CHST9: variants seen among roughly 807,000 people sequenced by gnomAD.
CHST9 encodes the protein GalNAc-4-sulfotransferase 2.
In CHST9, 41 loss-of-function variants were observed where a neutral mutation model predicts 44.4. The observed-to-expected ratio is 0.92, with a 90% CI of 0.72 to 1.20. The LOEUF (loss-of-function observed/expected upper bound fraction) is 1.20, where lower values mean the gene tolerates loss of function less well. Among genes scored for constraint, CHST9 ranks in the 50% most tolerant of loss-of-function variants. The pLI is 0.00. For missense variants in CHST9, 504 were observed against 516.5 expected, an observed-to-expected ratio of 0.98 and a Z score of 0.23; for synonymous variants, 171 against 178.4, an observed-to-expected ratio of 0.96 and a Z score of 0.33.
chr18:26,944,908 T>C (rs1280766835), intron 4 of CHST9, among the ~76,000 whole-genome samples: 2 of 152,180 alleles, frequency 1.3e-5, no homozygotes, highest in Non-Finnish European at 2.9e-5. Context: ...CTATAAATTG[T>C]ATCTTGATCA....
chr18:27,062,665 G>A (rs552174113), intron 2 of CHST9, among the ~76,000 whole-genome samples: 1 of 152,118 alleles, frequency 6.6e-6, no homozygotes, highest in South Asian at 2.1e-4. Flanking sequence ...TAATCCTTTG[G>A]GTATATACCC....
At chr18:26,966,354 G>C (rs987857907) in intron 4 of CHST9, among the ~76,000 whole-genome samples, 1 of 152,098 alleles carries the variant, frequency 6.6e-6, no homozygotes, top group Non-Finnish European at 1.5e-5. Context: ...GCGAGTTAAA[G>C]CCTTAAAAAT....
chr18:27,006,760 A>T (rs1369545565), intron 4 of CHST9, among the ~76,000 whole-genome samples: 1 of 152,196 alleles, frequency 6.6e-6, no homozygotes, highest in East Asian at 1.9e-4. Context: ...GTCACATAAA[A>T]ACTGCAGAGA....
chr18:27,004,042 GAA>G (rs982581283), intron 4 of CHST9, among the ~76,000 whole-genome samples: 3 of 143,194 alleles, frequency 2.1e-5, no homozygotes, highest in African/African-American at 5.1e-5. Context: ...TGAGTGTCTG[GAA>G]AAAAAAAAAG....
chr18:26,949,099 G>C (rs1170310096), intron 4 of CHST9, among the ~76,000 whole-genome samples: 1 of 152,156 alleles, frequency 6.6e-6, no homozygotes, highest in Non-Finnish European at 1.5e-5. Context: ...TTGAGTGGTG[G>C]TGTGGAGACG....
chr18:26,932,194 T>C (rs570532375), intron 5 of CHST9, among the ~76,000 whole-genome samples: 1 of 152,284 alleles, frequency 6.6e-6, no homozygotes, highest in Admixed American at 6.5e-5. Flanking sequence ...ATGACCAAAG[T>C]ACTAGGCTCT....
At chr18:27,093,408 G>C (rs1224827783) in intron 2 of CHST9, among the ~76,000 whole-genome samples, 1 of 152,222 alleles carries the variant, frequency 6.6e-6, no homozygotes, top group Non-Finnish European at 1.5e-5. Flanking sequence ...CACCCAGTTC[G>C]AGCTTCCTGG....
At chr18:27,155,011 G>T (rs976644463) in intron 1 of CHST9, among the ~76,000 whole-genome samples, 3 of 151,308 alleles carry the variant, frequency 2.0e-5, no homozygotes, top group Non-Finnish European at 4.4e-5. Context: ...GAGCCTGGGA[G>T]GTGGAGGTTG....
At chr18:27,140,221 C>T (rs1161651756) in intron 2 of CHST9, among the ~76,000 whole-genome samples, 2 of 152,192 alleles carry the variant, frequency 1.3e-5, no homozygotes, top group East Asian at 3.8e-4. Flanking sequence ...GCTTTCCCCT[C>T]TGCAACAAGG....
At position 26,909,392 on chromosome 18, in the gene CHST9, T is replaced by C. The variant is rs887883774; in HGVS notation, c.*6867A>G. The C allele has an allele frequency of 2.0e-5, 3 of 152,212 alleles. No individual in the cohort carries two copies. Among genetic ancestry groups the C allele is most frequent in the African/African-American group, 4.8e-5 (2 of 41,452 alleles). 9.4% of individuals were successfully genotyped at this position (152,212 alleles called of 1,614,324 possible). On this transcript the variant is annotated 3_prime_UTR_variant, in exon 6 of 6. Coordinates refer to ENST00000618847, the MANE Select transcript of CHST9 (RefSeq NM_031422.6). ...GGTTTTCATAGAGATTCCAATTCTG[T>C]GTATCTTGGATGGGGTCTGGGAATA...
At chr18:27,147,654 C>A (rs756869352) in intron 1 of CHST9, 1 of 152,358 alleles carries the variant, frequency 6.6e-6, no homozygotes, top group Non-Finnish European at 1.5e-5. Context: ...TTGCCTCTGT[C>A]TCTGAAAAAC....
At chr18:26,943,408 T>C (rs1222438966) in intron 5 of CHST9, among the ~76,000 whole-genome samples, 2 of 152,188 alleles carry the variant, frequency 1.3e-5, no homozygotes, top group East Asian at 3.9e-4. Flanking sequence ...GGAACTAGAA[T>C]TGGAATTTCT....
intron 4 of CHST9, among the ~76,000 whole-genome samples, chr18:26,991,559 G>A (rs1478846492): frequency 6.6e-6 from 1 of 152,162 alleles, no homozygotes; most frequent in Non-Finnish European, 1.5e-5. Context: ...GAGACTAGCT[G>A]AGGTTATTAC....
rs547454171 is a variant in CHST9, at chr18:27,044,884, C to T, written c.160+3581G>A. 4.6e-5 allele frequency among the ~76,000 whole-genome samples: 7 copies of T among 151,908 alleles called. No homozygotes were observed. In the South Asian group the frequency reaches 6.2e-4, roughly 14 times the overall value. On this transcript the variant is annotated intron_variant, in intron 3 of 5. Coordinates refer to ENST00000618847, the MANE Select transcript of CHST9 (RefSeq NM_031422.6). The stretch of plus-strand genomic sequence containing the variant: ...TTATCCTGAATGACTGCATGTTCAA[C>T]GTGTGTTAAAAAGTTTTAAAATGGA...
intron 4 of CHST9, among the ~76,000 whole-genome samples, chr18:27,007,719 A>G (rs2057033423): frequency 1.3e-5 from 2 of 152,210 alleles, no homozygotes; most frequent in South Asian, 2.1e-4. Flanking sequence ...CAGATGGACA[A>G]TAAAGTGTCC....
intron 4 of CHST9, among the ~76,000 whole-genome samples, chr18:26,973,430 G>A (rs562548292): frequency 2.4e-3 from 365 of 152,292 alleles, no homozygotes; most frequent in Middle Eastern, 3.4e-3. Context: ...TGCGTAGAAG[G>A]CCCCGGGTTC....
intron 2 of CHST9, among the ~76,000 whole-genome samples, chr18:27,057,190 G>A (rs1335178354): frequency 2.6e-5 from 4 of 152,136 alleles, no homozygotes; most frequent in African/African-American, 9.7e-5. Context: ...AAGATTCAAT[G>A]GTCTATTCAT....
chr18:27,132,083 G>A (rs1293248722), intron 2 of CHST9, among the ~76,000 whole-genome samples: 1 of 152,156 alleles, frequency 6.6e-6, no homozygotes, highest in South Asian at 2.1e-4. Context: ...TCTTGGGTTT[G>A]TGTTTACCCT....
Position 26,916,318 on chromosome 18 carries a change from T to C in CHST9, c.1273A>G (p.Ile425Val), listed in dbSNP as rs1408070727. 3 of 1,608,084 alleles carry C rather than the reference T, an allele frequency of 1.9e-6. No individual in the cohort carries two copies. Among genetic ancestry groups the C allele is most frequent in the Non-Finnish European group, 2.6e-6 (3 of 1,175,042 alleles). ...KDLTRTERQL[I>V]YDFYYLDYLM... is the part of the protein sequence containing the mutation. ...TAGTCCAAGTAATAAAAGTCATAGA[T>C]TAATTGTCTCTCAGTTCTAGTCAGA... Residue 425 changes from isoleucine to valine, a missense_variant, in exon 6 of 6, where the codon ATC becomes GTC. Ile to Val is a conservative substitution (Grantham distance 29, BLOSUM62 3). Coordinates refer to ENST00000618847, the MANE Select transcript of CHST9 (RefSeq NM_031422.6).
Sources: allele counts gnomAD v4.1 joint callset (sites outside exome capture counted in the v4.1 genomes callset), GRCh38; gene constraint gnomAD v4.1.1; transcripts MANE v1.5; gene names NCBI Gene and HGNC (gene_info 2026-07-23, HGNC 2026-07-21).